Variants in PTPRG observed in about 807,000 individuals in gnomAD.
The protein encoded by PTPRG is receptor-type tyrosine-protein phosphatase gamma.
In PTPRG, 102 loss-of-function variants were observed where a neutral mutation model predicts 165.3. The ratio of observed to expected loss-of-function variants is 0.62; its 90% CI spans 0.53 to 0.73. The LOEUF is 0.73. Ranked by LOEUF, PTPRG falls within the 30% of genes least tolerant of loss-of-function variation. The pLI, the probability that PTPRG is intolerant of heterozygous loss-of-function variation, is 0.00. For synonymous variants in PTPRG, 675 were observed against 669.5 expected (o/e 1.01, Z -0.13); for missense variants, 1,866 against 1,861.4 (o/e 1.00, Z -0.05).
intron 2 of PTPRG, among the ~76,000 whole-genome samples, chr3:61,866,176 C>G (rs1426792854): frequency 6.6e-6 from 1 of 152,200 alleles, no homozygotes; most frequent in African/African-American, 2.4e-5. Context: ...TGACATTGAT[C>G]TGTTCACTCT....
At chr3:61,858,923 T>C (rs1250372820) in intron 2 of PTPRG, among the ~76,000 whole-genome samples, 1 of 152,162 alleles carries the variant, frequency 6.6e-6, no homozygotes, top group Non-Finnish European at 1.5e-5. Flanking sequence ...AAATAAATGC[T>C]CTCCGTTTTC....
At chr3:61,808,920 A>G (rs2107201147) in intron 2 of PTPRG, among the ~76,000 whole-genome samples, 1 of 151,126 alleles carries the variant, frequency 6.6e-6, no homozygotes, top group East Asian at 1.9e-4. Context: ...GTAGTATACC[A>G]TTAAAATTTT....
chr3:61,846,874 C>T (rs2036821096), intron 2 of PTPRG, among the ~76,000 whole-genome samples: 1 of 152,124 alleles, frequency 6.6e-6, no homozygotes, highest in African/African-American at 2.4e-5. Context: ...AAGATGGCAC[C>T]ACTGCACTCC....
At chr3:62,188,485 C>A (rs1699720623) in intron 8 of PTPRG, among the ~76,000 whole-genome samples, 1 of 152,178 alleles carries the variant, frequency 6.6e-6, no homozygotes, top group African/African-American at 2.4e-5. Flanking sequence ...ATGTTGGAGT[C>A]CCAGAATGTT....
intron 2 of PTPRG, among the ~76,000 whole-genome samples, chr3:61,776,252 A>C (rs963979230): frequency 7.2e-5 from 11 of 152,152 alleles, no homozygotes; most frequent in African/African-American, 2.2e-4. Flanking sequence ...TGGCCAATCC[A>C]GAAGTCTTTG....
chr3:62,103,128 G>A (rs1702348641), intron 5 of PTPRG, among the ~76,000 whole-genome samples: 1 of 151,734 alleles, frequency 6.6e-6, no homozygotes, highest in African/African-American at 2.4e-5. Context: ...CTAACCCTCA[G>A]CTGTTCCTCA....
intron 2 of PTPRG, among the ~76,000 whole-genome samples, chr3:61,766,050 G>A (rs908793139): frequency 4.6e-5 from 7 of 152,134 alleles, no homozygotes; most frequent in African/African-American, 1.4e-4. Flanking sequence ...ACATAAAAAC[G>A]TCTAATATAT....
chr3:62,290,420 C>G (rs1702838749), intron 28 of PTPRG, among the ~76,000 whole-genome samples: 1 of 152,092 alleles, frequency 6.6e-6, no homozygotes, highest in African/African-American at 2.4e-5. Context: ...GTTATTTGGA[C>G]ATCAGTGTAC....
intron 16 of PTPRG, among the ~76,000 whole-genome samples, chr3:62,257,673 G>A (rs1187971690): frequency 6.6e-6 from 1 of 152,078 alleles, no homozygotes; most frequent in African/African-American, 2.4e-5. Flanking sequence ...TAGTGTCCTG[G>A]GCCAGGCACA....
chr3:61,856,783 C>A (rs1454786716), intron 2 of PTPRG, among the ~76,000 whole-genome samples: 1 of 152,094 alleles, frequency 6.6e-6, no homozygotes, highest in Non-Finnish European at 1.5e-5. Context: ...CTCTTGGAGG[C>A]CCTTTGAAGA....
intron 2 of PTPRG, among the ~76,000 whole-genome samples, chr3:61,842,208 C>T (rs994600089): frequency 1.2e-4 from 18 of 152,190 alleles, no homozygotes; most frequent in Non-Finnish European, 2.2e-4. Flanking sequence ...CAACCTCCTC[C>T]TTCAAATATC....
At chr3:61,598,906 CTG>C (rs2106840934) in intron 1 of PTPRG, among the ~76,000 whole-genome samples, 1 of 152,222 alleles carries the variant, frequency 6.6e-6, no homozygotes, top group South Asian at 2.1e-4. Context: ...CTGTGTGTGT[CTG>C]TGTCCAAGTT....
intron 4 of PTPRG, among the ~76,000 whole-genome samples, chr3:62,008,366 G>A (rs1276021233): frequency 6.6e-6 from 1 of 152,176 alleles, no homozygotes; most frequent in East Asian, 1.9e-4. Flanking sequence ...ACTTACTGGT[G>A]CTTTATGAGT....
intron 4 of PTPRG, among the ~76,000 whole-genome samples, chr3:62,047,263 T>G (rs7649932): frequency 1.3e-4 from 20 of 149,944 alleles, no homozygotes; most frequent in Admixed American, 5.3e-4. Flanking sequence ...ATTTATTTAT[T>G]TATTTATTTT....
intron 5 of PTPRG, among the ~76,000 whole-genome samples, chr3:62,115,636 C>T (rs1007683761): frequency 3.3e-5 from 5 of 151,580 alleles, no homozygotes; most frequent in Non-Finnish European, 5.9e-5. Context: ...ATCCAAGGCA[C>T]ATTCTTTTTT....
chr3:61,742,875 C>T (rs1473564861), intron 1 of PTPRG: 2 of 1,547,082 alleles, frequency 1.3e-6, no homozygotes, highest in African/African-American at 1.4e-5. Flanking sequence ...TATCCACGGC[C>T]TTAGCCTCGT....
rs148376715 is a variant in PTPRG at position 62,098,422 on chromosome 3, A to T, written c.615+20164A>T. 3.9e-5 allele frequency among the ~76,000 whole-genome samples: 6 copies of T among 152,300 alleles called. No homozygotes were observed. In the East Asian group the frequency reaches 1.2e-3, roughly 29 times the overall value. On this transcript the variant is annotated intron_variant, in intron 5 of 29. Coordinates refer to ENST00000474889, the MANE Select transcript of PTPRG (RefSeq NM_002841.4). ...AATACTACACCATTTTATATAAGGG[A>T]CTTATGCATCTGTGGATTTGGGTAT...
intron 5 of PTPRG, among the ~76,000 whole-genome samples, chr3:62,121,667 T>C (rs1238206642): frequency 6.6e-6 from 1 of 152,246 alleles, no homozygotes; most frequent in Non-Finnish European, 1.5e-5. Flanking sequence ...GATAAGCCTC[T>C]TCCTGGCTAA....
At chr3:62,159,177 A>T (rs768239559) in intron 7 of PTPRG, among the ~76,000 whole-genome samples, 6 of 152,094 alleles carry the variant, frequency 3.9e-5, no homozygotes, top group Non-Finnish European at 8.8e-5. Context: ...AAAAAATTAA[A>T]AAATTATCCA....
Sources: gnomAD v4.1 joint callset for allele counts (sites outside exome capture counted in the v4.1 genomes callset) on GRCh38, gnomAD v4.1.1 for gene constraint, MANE v1.5 for transcripts, NCBI Gene and HGNC (gene_info 2026-07-23, HGNC 2026-07-21) for gene names.